WDPCP: variants seen among roughly 807,000 people sequenced by gnomAD.
WDPCP encodes WD repeat containing planar cell polarity effector.
In WDPCP, 71 loss-of-function variants were observed where a neutral mutation model predicts 93.1. The observed-to-expected ratio is 0.76, with a 90% CI of 0.63 to 0.93. The LOEUF is 0.93. Ranked by LOEUF, WDPCP falls within the 40% of genes least tolerant of loss-of-function variation. WDPCP has a pLI of 0.00. For synonymous variants in WDPCP, 315 were observed against 315.0 expected (o/e 1.00, Z 0.00); for missense variants, 844 against 887.4 (o/e 0.95, Z 0.62).
intron 13 of WDPCP, among the ~76,000 whole-genome samples, chr2:63,296,210 CAA>C (rs70965117): frequency 4.2e-5 from 6 of 141,418 alleles, no homozygotes; most frequent in African/African-American, 2.6e-5. Flanking sequence ...TCAGTAGATG[CAA>C]AAAAAAAAAA....
At chr2:63,417,436 TTTA>T (rs970276949) in intron 9 of WDPCP, among the ~76,000 whole-genome samples, 14 of 152,054 alleles carry the variant, frequency 9.2e-5, no homozygotes, top group African/African-American at 3.4e-4. Flanking sequence ...TAATTTTAAA[TTTA>T]TTTTTATTCA....
chr2:63,300,126 C>A (rs1184859642), intron 13 of WDPCP, among the ~76,000 whole-genome samples: 4 of 152,002 alleles, frequency 2.6e-5, no homozygotes, highest in African/African-American at 9.7e-5. Context: ...ATAAACTTGG[C>A]CAGCTGGCCC....
At chr2:63,702,963 C>T (rs574302190) in intron 2 of WDPCP, among the ~76,000 whole-genome samples, 1 of 151,514 alleles carries the variant, frequency 6.6e-6, no homozygotes, top group African/African-American at 2.4e-5. Context: ...TGAGTGAGAA[C>T]ATGTGGTGTT....
intron 1 of WDPCP, among the ~76,000 whole-genome samples, chr2:63,574,587 G>A (rs1707782618): frequency 6.6e-6 from 1 of 151,858 alleles, no homozygotes; most frequent in Admixed American, 6.6e-5. Flanking sequence ...TCCATCTTGG[G>A]TAGACATGAA....
intron 2 of WDPCP, among the ~76,000 whole-genome samples, chr2:63,806,264 C>T (rs1004950934): frequency 2.6e-5 from 4 of 152,140 alleles, no homozygotes; most frequent in East Asian, 1.9e-4. Flanking sequence ...TAAAGCCAGG[C>T]GTCCGGGGGG....
chr2:63,828,150 T>C (rs2104159365), upstream of WDPCP, among the ~76,000 whole-genome samples: 1 of 152,220 alleles, frequency 6.6e-6, no homozygotes, highest in East Asian at 1.9e-4. Context: ...TTATCTTTAT[T>C]TAGGTGTGGA....
intron 12 of WDPCP, among the ~76,000 whole-genome samples, chr2:63,365,912 T>C (rs188225277): frequency 1.3e-5 from 2 of 152,358 alleles, no homozygotes; most frequent in East Asian, 3.9e-4. Flanking sequence ...GTGTCATTCT[T>C]CATGACTTAT....
rs1338389870 is a variant in WDPCP at position 63,799,377 on chromosome 2, G to A, written n.308+14245C>T. Among the ~76,000 whole-genome samples the A allele has an allele frequency of 2.0e-5, 3 of 152,312 alleles. No individual in the cohort carries two copies. In the East Asian group the frequency reaches 5.8e-4, roughly 29 times the overall value. On this transcript the variant is annotated intron_variant and non_coding_transcript_variant, in intron 2 of 4. Coordinates refer to the WDPCP transcript ENST00000467687. ...CCTCAACTATTATCAACTTATAAAT[G>A]AGATAACTGAAGCTTACTGAGATTC... is the stretch of plus-strand genomic sequence containing the variant.
At chr2:63,433,254 A>T (rs1696893247) in intron 9 of WDPCP, among the ~76,000 whole-genome samples, 1 of 152,186 alleles carries the variant, frequency 6.6e-6, no homozygotes, top group African/African-American at 2.4e-5. Flanking sequence ...GCATTTAACT[A>T]ATGTTTGTTA....
intron 3 of WDPCP, among the ~76,000 whole-genome samples, chr2:63,608,288 G>A (rs192047249): frequency 2.6e-5 from 4 of 152,190 alleles, no homozygotes; most frequent in Middle Eastern, 3.4e-3. Context: ...AGAAGTTTAT[G>A]CTAGTGTTAG....
At position 63,381,979 on chromosome 2, in the gene WDPCP, G is replaced by A; in HGVS notation, c.1551C>T (p.Gly517=). 1 of 1,613,474 alleles carries A rather than the reference G, an allele frequency of 6.2e-7. No individual in the cohort carries two copies. The highest frequency in any genetic ancestry group is 1.1e-5 in the South Asian group (1 of 91,066). ...ILSSMNWDTL[G]HQCFISMSAI... is the part of the protein sequence containing the mutation. ...CGCTCATGCTGATAAAGCACTGGTGGCCCAGAGTGTCCCAGTTCATGCTGC... is the reference window on the plus strand; with the variant it reads ...CGCTCATGCTGATAAAGCACTGGTGACCCAGAGTGTCCCAGTTCATGCTGC... Residue 517 remains glycine (G), a synonymous_variant, in exon 11 of 18, where the codon GGC becomes GGT. Transcript: ENST00000272321.
At chr2:63,548,469 A>C (rs977609717) in intron 1 of WDPCP, among the ~76,000 whole-genome samples, 7 of 152,182 alleles carry the variant, frequency 4.6e-5, no homozygotes, top group Non-Finnish European at 5.9e-5. Context: ...CAGAAAAAAA[A>C]AATCATAATA....
intron 1 of WDPCP, among the ~76,000 whole-genome samples, chr2:63,513,955 A>T (rs1359416128): frequency 6.6e-6 from 1 of 151,732 alleles, no homozygotes; most frequent in East Asian, 1.9e-4. Flanking sequence ...CCTTTGTTAA[A>T]GGAGTGTTGG....
At chr2:63,191,811 C>T (rs997188148) in intron 14 of WDPCP, among the ~76,000 whole-genome samples, 1 of 152,000 alleles carries the variant, frequency 6.6e-6, no homozygotes, top group Non-Finnish European at 1.5e-5. Context: ...TGAAAAAATA[C>T]AAGAAAGATA....
chr2:63,649,895 C>T (rs1407370182), intron 3 of WDPCP, among the ~76,000 whole-genome samples: 1 of 152,076 alleles, frequency 6.6e-6, no homozygotes, highest in Non-Finnish European at 1.5e-5. Context: ...AAGAGACAGA[C>T]CAGATAAAGC....
At chr2:63,610,404 TAAAG>T (rs1219790327) in intron 3 of WDPCP, among the ~76,000 whole-genome samples, 2 of 151,994 alleles carry the variant, frequency 1.3e-5, no homozygotes, top group African/African-American at 4.8e-5. Flanking sequence ...TAATAAAACA[TAAAG>T]AAGGAGTGGG....
At chr2:63,461,853 C>A (rs546246415) in intron 6 of WDPCP, among the ~76,000 whole-genome samples, 13 of 152,304 alleles carry the variant, frequency 8.5e-5, no homozygotes, top group African/African-American at 2.9e-4. Flanking sequence ...CAGTTTCCCA[C>A]CTGTCCTCCA....
chr2:63,464,694 TA>T (rs996460994), intron 6 of WDPCP, among the ~76,000 whole-genome samples: 34 of 152,116 alleles, frequency 2.2e-4, no homozygotes, highest in Admixed American at 5.3e-4. Context: ...ACTGGAACAT[TA>T]TTCAGCCTGA....
At chr2:63,259,819 A>T (rs1681471164) in intron 13 of WDPCP, among the ~76,000 whole-genome samples, 1 of 152,222 alleles carries the variant, frequency 6.6e-6, no homozygotes, top group African/African-American at 2.4e-5. Context: ...CATATGGCAT[A>T]TATTTGTTAT....
Sources: gnomAD v4.1 joint callset for allele counts (sites outside exome capture counted in the v4.1 genomes callset) on GRCh38, gnomAD v4.1.1 for gene constraint, MANE v1.5 for transcripts, NCBI Gene and HGNC (gene_info 2026-07-23, HGNC 2026-07-21) for gene names.